Variants in HSD17B6 observed in about 807,000 individuals in gnomAD.
The protein encoded by HSD17B6 is 17-beta-hydroxysteroid dehydrogenase type 6.
HSD17B6 carries 16 observed loss-of-function variants against 26.4 expected under a neutral mutation model. That is an observed-to-expected ratio of 0.61 (90% CI 0.41 to 0.92). HSD17B6 has a LOEUF of 0.92. HSD17B6 is among the 40% of genes least tolerant of loss of function. HSD17B6 has a pLI of 0.00. For missense variants in HSD17B6, 357 were observed against 386.1 expected, an observed-to-expected ratio of 0.92 and a Z score of 0.63; for synonymous variants, 139 against 153.0, an observed-to-expected ratio of 0.91 and a Z score of 0.68.
chr12:56,764,220 C>T (rs1220806440), intron 1 of HSD17B6, among the ~76,000 whole-genome samples: 1 of 151,894 alleles, frequency 6.6e-6, no homozygotes, highest in African/African-American at 2.4e-5. Flanking sequence ...GTTCAGGGAG[C>T]CATGTGCTGT....
chr12:56,783,099 T>C (rs1268621414), intron 3 of HSD17B6, among the ~76,000 whole-genome samples: 10 of 152,340 alleles, frequency 6.6e-5, no homozygotes, highest in Middle Eastern at 3.4e-3. Context: ...CCTTGCCCCC[T>C]TTTCTATTCC....
intron 2 of HSD17B6, among the ~76,000 whole-genome samples, chr12:56,780,929 C>CAGACACAACAATAAAAT (rs1156666406): frequency 6.6e-6 from 1 of 151,528 alleles, no homozygotes. Context: ...CAGTAAAAAC[C>CAGACACAACAATAAAAT]AGACACAACA....
intron 3 of HSD17B6, among the ~76,000 whole-genome samples, chr12:56,784,544 G>T (rs1383967898): frequency 1.3e-5 from 2 of 152,194 alleles, no homozygotes; most frequent in African/African-American, 4.8e-5. Context: ...AGGCATGGTG[G>T]TGCATGCCTG....
intron 1 of HSD17B6, among the ~76,000 whole-genome samples, chr12:56,772,892 G>A (rs576052089): frequency 1.3e-5 from 2 of 152,214 alleles, no homozygotes; most frequent in South Asian, 4.1e-4. Flanking sequence ...GGACATTCAT[G>A]TCAAACTAAG....
At chr12:56,785,840 T>A in intron 4 of HSD17B6, 2 of 413,516 alleles carry the variant, frequency 4.8e-6, no homozygotes, top group South Asian at 2.0e-4. Flanking sequence ...GGTAAGTCAG[T>A]GAGGATAAGT....
At chr12:56,764,360 G>T (rs1197563485) in intron 1 of HSD17B6, among the ~76,000 whole-genome samples, 2 of 152,300 alleles carry the variant, frequency 1.3e-5, no homozygotes, top group East Asian at 3.9e-4. Flanking sequence ...ATTGCAGAGA[G>T]AGAGGTCCTC....
At position 56,787,546 on chromosome 12, in the gene HSD17B6, T is replaced by A. The variant is rs1354762741; in HGVS notation, c.*204T>A. On this transcript the variant is annotated 3_prime_UTR_variant, in exon 5 of 5. Transcript: ENST00000322165. ...TTTAGGTGATGAATCTTTACTATTT[T>A]AGCCCTTTTTTGATGAGACTATTTG... 2 of 563,104 alleles carry A rather than the reference T, an allele frequency of 3.6e-6. No individual in the cohort carries two copies. The highest frequency in any genetic ancestry group is 1.9e-5 in the African/African-American group (1 of 53,320). The allele number at this position is 563,104 out of a possible 1,614,324, so 34.9% of individuals were successfully genotyped here. A position where few individuals can be genotyped will look rare whatever the true frequency, so the allele number is the denominator to read the frequency against.
At chr12:56,782,468 CTA>C (rs1476858915) in intron 3 of HSD17B6, among the ~76,000 whole-genome samples, 1 of 152,144 alleles carries the variant, frequency 6.6e-6, no homozygotes, top group African/African-American at 2.4e-5. Flanking sequence ...TCTTCTACCA[CTA>C]TGTCACACTT....
intron 1 of HSD17B6, among the ~76,000 whole-genome samples, chr12:56,765,523 G>A (rs1338850421): frequency 6.6e-6 from 1 of 151,814 alleles, no homozygotes; most frequent in Non-Finnish European, 1.5e-5. Flanking sequence ...TTCCAAACAG[G>A]GTGTTGCTCT....
chr12:56,785,541 T>G (rs1006564750), intron 4 of HSD17B6, among the ~76,000 whole-genome samples: 1 of 152,238 alleles, frequency 6.6e-6, no homozygotes, highest in Admixed American at 6.5e-5. Flanking sequence ...ATGGTTGGCT[T>G]GGTCTGATGA....
intron 2 of HSD17B6, among the ~76,000 whole-genome samples, chr12:56,780,381 A>T (rs1353016462): frequency 6.6e-6 from 1 of 152,246 alleles, no homozygotes; most frequent in Non-Finnish European, 1.5e-5. Flanking sequence ...AAATCAATGT[A>T]CTTTATGTTC....
intron 2 of HSD17B6, among the ~76,000 whole-genome samples, chr12:56,780,687 G>A (rs1202087546): frequency 2.0e-5 from 3 of 151,584 alleles, no homozygotes; most frequent in Non-Finnish European, 2.9e-5. Context: ...TGAAACCCCC[G>A]TCTCTACTAA....
intron 2 of HSD17B6, among the ~76,000 whole-genome samples, chr12:56,774,697 A>G (rs977663794): frequency 1.3e-5 from 2 of 152,240 alleles, no homozygotes; most frequent in Non-Finnish European, 2.9e-5. Flanking sequence ...GTGACAGATC[A>G]TCAGGCATTA....
chr12:56,782,830 A>AGTG (rs1197078864), intron 3 of HSD17B6, among the ~76,000 whole-genome samples: 1 of 151,880 alleles, frequency 6.6e-6, no homozygotes, highest in Non-Finnish European at 1.5e-5. Context: ...GAGATTAGGG[A>AGTG]GTGGTGATGA....
chr12:56,767,798 ATG>A lies in HSD17B6; in HGVS notation c.-20+4390_-20+4391del, dbSNP rs1381056862. Among the ~76,000 whole-genome samples, 9 of 146,248 alleles carry A rather than the reference ATG, an allele frequency of 6.2e-5. No homozygotes were observed. In the South Asian group the frequency reaches 1.1e-3, roughly 17 times the overall value. On this transcript the variant is annotated intron_variant, in intron 1 of 4. Coordinates refer to ENST00000322165, the MANE Select transcript of HSD17B6 (RefSeq NM_003725.4). Reference sequence around the variant, plus strand: ...TGTATATTATGTATATATAATATATATGTGTGTATATATAATATATATGTGTG... The same window carrying A: ...TGTATATTATGTATATATAATATATATGTGTATATATAATATATATGTGTG...
At chr12:56,776,222 G>C (rs1023087733) in intron 2 of HSD17B6, among the ~76,000 whole-genome samples, 2 of 152,032 alleles carry the variant, frequency 1.3e-5, no homozygotes, top group Non-Finnish European at 2.9e-5. Flanking sequence ...CATCGCGCCC[G>C]GCTGGAATAA....
At chr12:56,775,775 G>C (rs535858135) in intron 2 of HSD17B6, among the ~76,000 whole-genome samples, 9 of 152,210 alleles carry the variant, frequency 5.9e-5, no homozygotes, top group African/African-American at 2.2e-4. Context: ...AATGTGTAAT[G>C]ACAAGTAGCC....
At chr12:56,780,840 C>CAAAAAAAAAAA (rs59227954) in intron 2 of HSD17B6, among the ~76,000 whole-genome samples, 1 of 64,126 alleles carries the variant, frequency 1.6e-5, no homozygotes, top group African/African-American at 5.8e-5. Context: ...GACTCCGTCT[C>CAAAAAAAAAAA]AAAAAAAAAA....
chr12:56,774,183 C>A lies in HSD17B6; in HGVS notation c.313+18C>A. 1 of 1,524,220 alleles carries A rather than the reference C, an allele frequency of 6.6e-7. No individual in the cohort carries two copies. Among genetic ancestry groups the A allele is most frequent in the Non-Finnish European group, 8.8e-7 (1 of 1,135,162 alleles). The allele number at this position is 1,524,220 out of a possible 1,614,324, so 94.4% of individuals were successfully genotyped here. The stretch of plus-strand genomic sequence containing the variant: ...GGACAGAGGTATGAAATATTTTCTC[C>A]TTTTATTTACTTAGCATGAAGATGC... On this transcript the variant is annotated intron_variant, in intron 2 of 4. Coordinates refer to ENST00000322165, the MANE Select transcript of HSD17B6 (RefSeq NM_003725.4).
Sources: gnomAD v4.1 joint callset for allele counts (sites outside exome capture counted in the v4.1 genomes callset) on GRCh38, gnomAD v4.1.1 for gene constraint, MANE v1.5 for transcripts, NCBI Gene and HGNC (gene_info 2026-07-23, HGNC 2026-07-21) for gene names.